The following PLEKHA1 variants were observed in gnomAD, a reference collection of about 807,000 sequenced individuals.
PLEKHA1 encodes the protein pleckstrin homology domain-containing family A member 1.
PLEKHA1 carries 34 observed loss-of-function variants against 52.0 expected under a neutral mutation model. The ratio of observed to expected loss-of-function variants is 0.65; its 90% CI spans 0.50 to 0.87. The LOEUF is 0.87. PLEKHA1 is among the 40% of genes least tolerant of loss of function. The probability of loss-of-function intolerance (pLI) is 0.00; values close to 1 mark genes in which losing one functional copy is unlikely to be tolerated. For missense variants in PLEKHA1, 497 were observed against 504.2 expected, an observed-to-expected ratio of 0.99 and a Z score of 0.14; for synonymous variants, 163 against 170.7, an observed-to-expected ratio of 0.95 and a Z score of 0.35.
chr10:122,441,534 T>A, the PLEKHA1 span: 3 of 152,160 alleles, frequency 2.0e-5, no homozygotes, highest in African/African-American at 7.2e-5. Context: ...TGTAAGGAAT[T>A]AACTTCTCTC....
intron 3 of PLEKHA1, 73 bp from the exon 4 acceptor site, chr10:122,400,270 T>C: frequency 1.7e-6 from 2 of 1,199,026 alleles, no homozygotes; most frequent in Middle Eastern, 4.0e-4. Context: ...CATGTGGAAG[T>C]TTACATAGTA....
downstream of PLEKHA1, chr10:122,437,270 T>G (rs1249088535): frequency 6.6e-6 from 1 of 152,014 alleles, no homozygotes; most frequent in African/African-American, 2.4e-5. Context: ...AAGTGAAGAA[T>G]TAAGGGTAAT....
At chr10:122,423,402 G>A (rs1363239336) in intron 8 of PLEKHA1, 1 of 133,752 alleles carries the variant, frequency 7.5e-6, no homozygotes, top group African/African-American at 2.8e-5. Context: ...TCTAGCCTGG[G>A]CAACAAGAGC....
At chr10:122,392,173 C>G (rs919117595) in intron 1 of PLEKHA1, 4 of 152,114 alleles carry the variant, frequency 2.6e-5, no homozygotes, top group Admixed American at 2.6e-4. Flanking sequence ...ATAAAAGTTG[C>G]AGTACTTTAG....
chr10:122,432,921 T>A (rs2097425111), downstream of PLEKHA1: 1 of 152,244 alleles, frequency 6.6e-6, no homozygotes. Flanking sequence ...TACTGTAGAA[T>A]GTGTGAACTT....
chr10:122,400,200 T>C (rs2096908279), intron 3 of PLEKHA1, 143 bp from the exon 4 acceptor site: 1 of 583,502 alleles, frequency 1.7e-6, no homozygotes. Context: ...GCCATCCTCT[T>C]TTAGTTGTCT....
chr10:122,403,040 A>G (rs1259882663), intron 4 of PLEKHA1, among the ~76,000 whole-genome samples: 1 of 152,208 alleles, frequency 6.6e-6, no homozygotes, highest in Non-Finnish European at 1.5e-5. Flanking sequence ...ACAATGCAAG[A>G]GAGCTTTTCA....
At chr10:122,427,432 C>T (rs1237242361) in intron 11 of PLEKHA1, among the ~76,000 whole-genome samples, 1 of 152,168 alleles carries the variant, frequency 6.6e-6, no homozygotes, top group Non-Finnish European at 1.5e-5. Context: ...CTCTTTACTT[C>T]CTCTGATTTC....
At chr10:122,425,861 C>G (rs1211807548) in intron 10 of PLEKHA1, 1 of 151,932 alleles carries the variant, frequency 6.6e-6, no homozygotes, top group Non-Finnish European at 1.5e-5. Context: ...ATTGAGGCAA[C>G]CATTCTTATG....
chr10:122,418,244 T>C, intron 8 of PLEKHA1: 1 of 296,684 alleles, frequency 3.4e-6, no homozygotes, highest in Non-Finnish European at 6.3e-6. Context: ...AAAGGGGCTG[T>C]CCTCTTGGGG....
intron 1 of PLEKHA1, among the ~76,000 whole-genome samples, chr10:122,383,313 G>GTTT (rs58485855): frequency 2.5e-4 from 32 of 128,372 alleles, no homozygotes; most frequent in Non-Finnish European, 2.6e-4. Context: ...CTTTCTTTCT[G>GTTT]TTTTTTTTTT....
Position 122,424,924 on chromosome 10 carries a change from GAA to G in PLEKHA1, c.777_778del (p.Glu259AspfsTer13). ...SDIMMRDNLF[E>X]IVTTSRTFYV... ...CATAATGATGAGGGACAACCTCTTT[GAA>G]ATTGTAACAACGTCTCGAACTTTCT... On this transcript the variant is annotated frameshift_variant, in exon 10 of 12. Coordinates refer to ENST00000368990, the MANE Select transcript of PLEKHA1 (RefSeq NM_001001974.4). LOFTEE classifies it high-confidence loss of function. 6.2e-7 allele frequency: 1 copy of G among 1,610,386 alleles called. No homozygotes were observed. The highest frequency in any genetic ancestry group is 8.5e-7 in the Non-Finnish European group (1 of 1,178,272).
rs1235767115 is a variant in PLEKHA1 at position 122,430,822 on chromosome 10, A to G, written c.*884A>G. ...CTACTTTTTGTCACTAATAGCCTACATTCAAGTGCCTGTGTTTTTTCATCT... is the reference window on the plus strand; with the variant it reads ...CTACTTTTTGTCACTAATAGCCTACGTTCAAGTGCCTGTGTTTTTTCATCT... On this transcript the variant is annotated 3_prime_UTR_variant, in exon 12 of 12. Coordinates refer to ENST00000368990, the MANE Select transcript of PLEKHA1 (RefSeq NM_001001974.4). 1.3e-5 allele frequency: 2 copies of G among 152,460 alleles called. No individual in the cohort carries two copies. The allele number at this position is 152,460 out of a possible 1,614,324, so 9.4% of individuals were successfully genotyped here.
intron 4 of PLEKHA1, among the ~76,000 whole-genome samples, chr10:122,403,917 C>G (rs11200615): frequency 0.038 from 5,762 of 152,242 alleles, 162 homozygotes; most frequent in Non-Finnish European, 0.055. Flanking sequence ...GTCTCGAACC[C>G]CTGACCTCAA....
At chr10:122,408,643 C>T (rs539375161) in intron 5 of PLEKHA1, among the ~76,000 whole-genome samples, 1 of 152,240 alleles carries the variant, frequency 6.6e-6, no homozygotes, top group South Asian at 2.1e-4. Flanking sequence ...GATAGACACA[C>T]ATTTAACTCA....
intron 10 of PLEKHA1, 147 bp downstream of exon 10, chr10:122,425,106 T>C: frequency 3.5e-6 from 2 of 572,714 alleles, no homozygotes; most frequent in Admixed American, 3.6e-5. Context: ...GGGTACTGTA[T>C]ATAGAGTTAT....
chr10:122,403,818 A>G (rs1200453687), intron 4 of PLEKHA1, among the ~76,000 whole-genome samples: 1 of 152,030 alleles, frequency 6.6e-6, no homozygotes. Context: ...TAGCCGCCCA[A>G]GTAGCTGGGA....
Position 122,374,754 on chromosome 10 carries a change from C to G in PLEKHA1, c.-73C>G, listed in dbSNP as rs1478116280. 2 of 151,862 alleles carry G rather than the reference C, an allele frequency of 1.3e-5. No homozygotes were observed. The allele number at this position is 151,862 out of a possible 1,614,324, so 9.4% of individuals were successfully genotyped here. On this transcript the variant is annotated 5_prime_UTR_variant, in exon 1 of 12. Coordinates refer to ENST00000368990, the MANE Select transcript of PLEKHA1 (RefSeq NM_001001974.4). The stretch of plus-strand genomic sequence containing the variant: ...GCGGACGCCGCTCCGGGCAGCCGAG[C>G]CTCTGTGGGAGCCGGGGCCGCGGCG...
chr10:122,420,668 A>G (rs1268735669), intron 8 of PLEKHA1: 1 of 152,258 alleles, frequency 6.6e-6, no homozygotes, highest in Non-Finnish European at 1.5e-5. Context: ...AAGGAATCTT[A>G]AAAACTGAGG....
Sources: gnomAD v4.1 joint callset for allele counts (sites outside exome capture counted in the v4.1 genomes callset) on GRCh38, gnomAD v4.1.1 for gene constraint, MANE v1.5 for transcripts, NCBI Gene and HGNC (gene_info 2026-07-23, HGNC 2026-07-21) for gene names.